The following TG variants were observed in gnomAD, a reference collection of about 807,000 sequenced individuals.
TG encodes thyroid hormones.
In TG, 270 loss-of-function variants were observed where a neutral mutation model predicts 324.7. That is an observed-to-expected ratio of 0.83 (90% CI 0.75 to 0.92). The LOEUF (loss-of-function observed/expected upper bound fraction) is 0.92, where lower values mean the gene tolerates loss of function less well. Ranked by LOEUF, TG falls within the 40% of genes least tolerant of loss-of-function variation. TG has a pLI of 0.00. For synonymous variants in TG, 1,401 were observed against 1,327.0 expected, an observed-to-expected ratio of 1.06 and a Z score of -1.21; for missense variants, 3,591 against 3,456.4, an observed-to-expected ratio of 1.04 and a Z score of -0.98.
intron 20 of TG, among the ~76,000 whole-genome samples, chr8:132,913,897 A>G (rs1819903619): frequency 6.6e-6 from 1 of 152,206 alleles, no homozygotes; most frequent in Non-Finnish European, 1.5e-5. Flanking sequence ...AGCTGTTGGC[A>G]GGGCCTGCAG....
intron 41 of TG, among the ~76,000 whole-genome samples, chr8:133,040,519 T>C (rs953913129): frequency 2.0e-5 from 3 of 152,202 alleles, no homozygotes; most frequent in African/African-American, 7.2e-5. Flanking sequence ...GCCGCAGCCT[T>C]CCAGGGTTTC....
chr8:133,131,389 T>G (rs2130394744), intron 45 of TG, among the ~76,000 whole-genome samples: 1 of 152,362 alleles, frequency 6.6e-6, no homozygotes, highest in South Asian at 2.1e-4. Flanking sequence ...GAGTGTGAGT[T>G]GTATATGAAC....
chr8:132,917,651 GGA>G (rs1033115939), intron 20 of TG, among the ~76,000 whole-genome samples: 4 of 151,888 alleles, frequency 2.6e-5, no homozygotes, highest in Non-Finnish European at 5.9e-5. Context: ...ATTTTAAGCT[GGA>G]GAGAGAGAGG....
At chr8:133,023,584 T>C (rs944633375) in intron 40 of TG, among the ~76,000 whole-genome samples, 1 of 152,194 alleles carries the variant, frequency 6.6e-6, no homozygotes, top group Admixed American at 6.5e-5. Flanking sequence ...GGAGACCTCT[T>C]GGCCTGGGTT....
chr8:132,890,898 G>T (rs577532322), intron 10 of TG, among the ~76,000 whole-genome samples: 39 of 152,220 alleles, frequency 2.6e-4, no homozygotes, highest in African/African-American at 7.9e-4. Flanking sequence ...TTGAAATTTT[G>T]CTTGCTTTAT....
intron 41 of TG, among the ~76,000 whole-genome samples, chr8:133,089,518 G>T (rs1004621560): frequency 9.2e-5 from 14 of 152,158 alleles, no homozygotes; most frequent in Non-Finnish European, 1.6e-4. Context: ...TACCTGCTCT[G>T]TGTCCCAGGG....
At chr8:132,960,523 T>G (rs1404622693) in intron 27 of TG, among the ~76,000 whole-genome samples, 1 of 152,214 alleles carries the variant, frequency 6.6e-6, no homozygotes, top group African/African-American at 2.4e-5. Flanking sequence ...ATATTATTAA[T>G]CGGTTGAGTT....
At chr8:132,919,237 A>T in intron 20 of TG, 139 bp from the exon 21 acceptor site, 1 of 908,720 alleles carries the variant, frequency 1.1e-6, no homozygotes, top group South Asian at 1.5e-5. Context: ...TCTGACACAC[A>T]GTAGGTTCTC....
Position 133,017,895 on chromosome 8 carries a change from A to G in TG, c.6680A>G (p.Gln2227Arg). 1 of 1,614,208 alleles carries G rather than the reference A, an allele frequency of 6.2e-7. No individual in the cohort carries two copies. Among genetic ancestry groups the G allele is most frequent in the Non-Finnish European group, 8.5e-7 (1 of 1,180,032 alleles). ...GGTACCTCATGGAAGCAAGTGGACCAGTTCCTTGGAGTTCCATATGCTGCC... is the reference window on the plus strand; with the variant it reads ...GGTACCTCATGGAAGCAAGTGGACCGGTTCCTTGGAGTTCCATATGCTGCC... ...QVGTSWKQVDQFLGVPYAAPP... is the reference protein window; with the variant it reads ...QVGTSWKQVDRFLGVPYAAPP... The change falls in exon 38 of 48, where the codon CAG becomes CGG. Residue 2227 changes from glutamine to arginine, a missense_variant. Physicochemically the swap from Gln to Arg is conservative, Grantham distance 43. Coordinates refer to ENST00000220616, the MANE Select transcript of TG (RefSeq NM_003235.5).
intron 41 of TG, among the ~76,000 whole-genome samples, chr8:133,056,506 C>A (rs1445096121): frequency 1.3e-5 from 2 of 152,194 alleles, no homozygotes; most frequent in Non-Finnish European, 2.9e-5. Context: ...AAACCCTGTC[C>A]TTTCCAGGCA....
At chr8:132,998,638 G>A (rs1016371581) in intron 35 of TG, among the ~76,000 whole-genome samples, 12 of 152,202 alleles carry the variant, frequency 7.9e-5, no homozygotes, top group Admixed American at 2.6e-4. Flanking sequence ...GGGTGGGAGC[G>A]TAGAAATCAC....
At chr8:133,096,462 A>T in intron 43 of TG, 89 bp downstream of exon 43, 1 of 1,511,686 alleles carries the variant, frequency 6.6e-7, no homozygotes, top group African/African-American at 1.4e-5. Context: ...AGAGATATTG[A>T]CCAATTGCTG....
intron 32 of TG, 44 bp downstream of exon 32, chr8:132,969,613 A>G: frequency 1.5e-6 from 2 of 1,332,790 alleles, no homozygotes; most frequent in Non-Finnish European, 2.2e-6. Context: ...TATGAATAAT[A>G]CTTCCTCAAA....
At chr8:132,913,013 G>A in intron 19 of TG, 34 bp from the exon 20 acceptor site, 9 of 1,603,736 alleles carry the variant, frequency 5.6e-6, no homozygotes, top group East Asian at 2.2e-5. Flanking sequence ...AGAGTACAGT[G>A]GGGGTGACCT....
intron 41 of TG, among the ~76,000 whole-genome samples, chr8:133,080,123 A>G (rs1457581079): frequency 6.6e-6 from 1 of 152,180 alleles, no homozygotes; most frequent in Non-Finnish European, 1.5e-5. Flanking sequence ...GACATTTGAA[A>G]TGAGTCCAGA....
chr8:132,964,117 A>G (rs1022066355), intron 29 of TG, among the ~76,000 whole-genome samples: 3 of 151,990 alleles, frequency 2.0e-5, no homozygotes, highest in Non-Finnish European at 4.4e-5. Context: ...GGGCAGCCAC[A>G]CAGCTTGTGA....
chr8:133,072,840 T>A (rs748391904), intron 41 of TG: 3 of 152,228 alleles, frequency 2.0e-5, no homozygotes, highest in Admixed American at 6.5e-5. Flanking sequence ...TACCCCTGTC[T>A]GTTTCGTTTA....
chr8:133,014,917 A>G (rs1331972167), intron 37 of TG, among the ~76,000 whole-genome samples: 1 of 151,912 alleles, frequency 6.6e-6, no homozygotes, highest in Non-Finnish European at 1.5e-5. Flanking sequence ...ACAGAGTCTC[A>G]CTCTGTCACT....
chr8:132,915,738 C>G (rs1820198520), intron 20 of TG, among the ~76,000 whole-genome samples: 7 of 152,230 alleles, frequency 4.6e-5, no homozygotes, highest in Admixed American at 4.6e-4. Flanking sequence ...TTATTTACCA[C>G]AACAGAAGGT....
Sources: gnomAD v4.1 joint callset for allele counts (sites outside exome capture counted in the v4.1 genomes callset) on GRCh38, gnomAD v4.1.1 for gene constraint, MANE v1.5 for transcripts, NCBI Gene and HGNC (gene_info 2026-07-23, HGNC 2026-07-21) for gene names.